Variants in DIP2A observed in about 807,000 individuals in gnomAD.
The protein encoded by DIP2A is DIP2 acetate--CoA ligase A.
In DIP2A, 85 loss-of-function variants were observed where a neutral mutation model predicts 177.4. That is an observed-to-expected ratio of 0.48 (90% CI 0.40 to 0.57). The LOEUF (loss-of-function observed/expected upper bound fraction) is 0.57. Among genes scored for constraint, DIP2A ranks in the 20% least tolerant of loss-of-function variants. The pLI, the probability that DIP2A is intolerant of heterozygous loss-of-function variation, is 0.00. For synonymous variants in DIP2A, 886 were observed against 881.8 expected, an observed-to-expected ratio of 1.00 and a Z score of -0.08; for missense variants, 1,791 against 2,100.2, an observed-to-expected ratio of 0.85 and a Z score of 2.88.
intron 17 of DIP2A, among the ~76,000 whole-genome samples, chr21:46,540,580 T>C (rs9306156): frequency 0.37 from 56,863 of 152,062 alleles, 11,225 homozygotes; most frequent in African/African-American, 0.5. Flanking sequence ...CCTGCCCCAC[T>C]CCCAGCTCCA....
At chr21:46,522,225 T>C (rs573485022) in intron 8 of DIP2A, among the ~76,000 whole-genome samples, 1 of 152,318 alleles carries the variant, frequency 6.6e-6, no homozygotes, top group East Asian at 1.9e-4. Context: ...TGGTTTAAGG[T>C]CTTAGTATTT....
chr21:46,520,062 G>A (rs2058758969), intron 8 of DIP2A, among the ~76,000 whole-genome samples: 1 of 151,598 alleles, frequency 6.6e-6, no homozygotes, highest in South Asian at 2.1e-4. Flanking sequence ...TTTTAGTAGA[G>A]ACGGGGTTTC....
downstream of DIP2A, among the ~76,000 whole-genome samples, chr21:46,574,250 G>T (rs1367531186): frequency 6.6e-6 from 1 of 152,022 alleles, no homozygotes; most frequent in Non-Finnish European, 1.5e-5. Context: ...ACAACCAATG[G>T]ATCAAAGAAG....
intron 9 of DIP2A, among the ~76,000 whole-genome samples, chr21:46,530,777 T>C (rs1315243466): frequency 1.3e-5 from 2 of 152,076 alleles, no homozygotes; most frequent in Admixed American, 6.5e-5. Context: ...TAATATTGCA[T>C]AATACGAGGG....
intron 21 of DIP2A, chr21:46,547,273 T>C (rs906245573): frequency 7.9e-7 from 1 of 1,259,468 alleles, no homozygotes; most frequent in African/African-American, 1.5e-5. Flanking sequence ...AAGGTTTTGA[T>C]GTAAAATTTG....
chr21:46,506,778 T>TTTC (rs2058030059), intron 6 of DIP2A, among the ~76,000 whole-genome samples: 12 of 128,164 alleles, frequency 9.4e-5, no homozygotes, highest in African/African-American at 2.3e-4. Flanking sequence ...CTTTCTTTTC[T>TTTC]TTTCTTTCTT....
chr21:46,463,663 T>G (rs984641302), intron 1 of DIP2A, among the ~76,000 whole-genome samples: 1 of 150,744 alleles, frequency 6.6e-6, no homozygotes, highest in African/African-American at 2.5e-5. Context: ...CTTTAATTTC[T>G]AAAATCTGGG....
intron 1 of DIP2A, chr21:46,462,870 C>T (rs1450673718): frequency 1.3e-5 from 2 of 152,232 alleles, no homozygotes; most frequent in Admixed American, 1.3e-4. Flanking sequence ...CCTTATTCTC[C>T]AGCATCCTCA....
chr21:46,555,150 G>T (rs1162697640), intron 28 of DIP2A, among the ~76,000 whole-genome samples: 1 of 152,224 alleles, frequency 6.6e-6, no homozygotes, highest in Non-Finnish European at 1.5e-5. Flanking sequence ...GCCGCACCCA[G>T]TCCCAAGTGG....
intron 21 of DIP2A, 42 bp downstream of exon 21, chr21:46,547,084 A>C (rs920415014): frequency 6.9e-6 from 11 of 1,597,642 alleles, no homozygotes; most frequent in Non-Finnish European, 8.6e-6. Context: ...AGATTCCTTC[A>C]TTTGCAGCTC....
chr21:46,502,600 A>G (rs2057717917), intron 5 of DIP2A, among the ~76,000 whole-genome samples: 1 of 151,860 alleles, frequency 6.6e-6, no homozygotes, highest in African/African-American at 2.4e-5. Context: ...GGCATGCACC[A>G]CCACGCCTGG....
intron 8 of DIP2A, among the ~76,000 whole-genome samples, chr21:46,515,833 G>A (rs57227186): frequency 0.076 from 11,528 of 152,124 alleles, 1,072 homozygotes; most frequent in African/African-American, 0.23. Flanking sequence ...CCCATGCCCG[G>A]CCCATTGTTT....
At chr21:46,459,243 A>G in intron 1 of DIP2A, 21 bp downstream of exon 1, 1 of 1,496,682 alleles carries the variant, frequency 6.7e-7, no homozygotes, top group Non-Finnish European at 8.9e-7. Flanking sequence ...CCCCGCCCTC[A>G]ACCCCCGCGA....
intron 1 of DIP2A, among the ~76,000 whole-genome samples, chr21:46,466,731 G>A (rs1009374619): frequency 6.6e-6 from 1 of 151,872 alleles, no homozygotes; most frequent in Non-Finnish European, 1.5e-5. Context: ...TGAAAAGGCT[G>A]CTGAGACACC....
intron 33 of DIP2A, chr21:46,561,149 A>T (rs934502220): frequency 2.0e-5 from 12 of 602,808 alleles, no homozygotes; most frequent in Non-Finnish European, 2.7e-5. Flanking sequence ...GACAGAGAGA[A>T]GACAAGTAAC....
chr21:46,503,325 C>CA (rs66982574), intron 5 of DIP2A, among the ~76,000 whole-genome samples: 6,261 of 101,178 alleles, frequency 0.062, 179 homozygotes, highest in Non-Finnish European at 0.076. Context: ...GACTCCATCT[C>CA]AAAAAAAAAA....
At chr21:46,515,784 G>A (rs887853893) in intron 8 of DIP2A, among the ~76,000 whole-genome samples, 9 of 151,958 alleles carry the variant, frequency 5.9e-5, no homozygotes, top group Non-Finnish European at 1.0e-4. Flanking sequence ...GCAGTCTGCC[G>A]GCCTCCCTCC....
At chr21:46,462,531 T>G (rs1178463036) in intron 1 of DIP2A, 3 of 152,242 alleles carry the variant, frequency 2.0e-5, no homozygotes, top group Non-Finnish European at 4.4e-5. Context: ...TGGTAAGGTG[T>G]TTTATTTATA....
intron 20 of DIP2A, among the ~76,000 whole-genome samples, chr21:46,546,591 C>G (rs11910506): frequency 1.2e-4 from 18 of 152,266 alleles, no homozygotes; most frequent in Non-Finnish European, 2.1e-4. Flanking sequence ...ACCCACAACT[C>G]GTTTCCCACT....
Sources: allele counts gnomAD v4.1 joint callset (sites outside exome capture counted in the v4.1 genomes callset), GRCh38; gene constraint gnomAD v4.1.1; transcripts MANE v1.5; gene names NCBI Gene and HGNC (gene_info 2026-07-23, HGNC 2026-07-21).